Variants in AP3D1 observed in about 807,000 individuals in gnomAD.
AP3D1 encodes the protein AP-3 complex subunit delta-1.
In AP3D1, 51 loss-of-function variants were observed where a neutral mutation model predicts 147.6. The ratio of observed to expected loss-of-function variants is 0.35; its 90% CI spans 0.28 to 0.44. AP3D1 has a LOEUF of 0.44. Among genes scored for constraint, AP3D1 ranks in the 20% least tolerant of loss-of-function variants. The pLI is 1.00. For missense variants in AP3D1, 1,421 were observed against 1,624.2 expected (o/e 0.87, Z 2.15); for synonymous variants, 760 against 663.0 (o/e 1.15, Z -2.25).
intron 31 of AP3D1, among the ~76,000 whole-genome samples, chr19:2,107,739 CAA>C (rs1268434677): frequency 1.6e-4 from 14 of 86,464 alleles, no homozygotes; most frequent in Admixed American, 4.0e-4. Context: ...GACTCCGTCT[CAA>C]AAAAAAAAAA....
chr19:2,130,313 C>T, intron 6 of AP3D1, 95 bp downstream of exon 6: 2 of 1,551,242 alleles, frequency 1.3e-6, no homozygotes, highest in South Asian at 1.2e-5. Flanking sequence ...CTTCACCACT[C>T]CCCGCAGCAC....
intron 31 of AP3D1, among the ~76,000 whole-genome samples, chr19:2,105,690 C>T (rs1267786149): frequency 1.3e-5 from 2 of 152,292 alleles, no homozygotes; most frequent in Admixed American, 6.5e-5. Context: ...TTTAATTCCT[C>T]TAGCGCCACT....
chr19:2,141,616 A>G (rs1183649273), intron 1 of AP3D1, among the ~76,000 whole-genome samples: 1 of 151,800 alleles, frequency 6.6e-6, no homozygotes, highest in East Asian at 1.9e-4. Flanking sequence ...TAATTTTTGC[A>G]TTTTTAGCAG....
rs58654241 is a variant in AP3D1, at chr19:2,161,155, GTT to G, written c.-103+3199_-103+3200del. 1.7e-3 allele frequency among the ~76,000 whole-genome samples: 210 copies of G among 125,382 alleles called. 1 individual carries two copies. Among genetic ancestry groups the G allele is most frequent in the African/African-American group, 5.5e-3 (188 of 34,008 alleles). 82.3% of individuals were successfully genotyped at this position (125,382 alleles called of 152,430 possible). A position where few individuals can be genotyped will look rare whatever the true frequency, so the allele number is the denominator to read the frequency against. ...TCTGGCCCATCAGGAGCTTCTCCTA[GTT>G]TTTTTTTTTTTTTTTTTTTTTGAGA... On this transcript the variant is annotated intron_variant, in intron 1 of 14. Transcript: ENST00000643010.
Position 2,118,626 on chromosome 19 carries a change from C to T in AP3D1, c.1688G>A (p.Ser563Asn), listed in dbSNP as rs1397380747. The T allele has an allele frequency of 6.2e-7, 1 of 1,611,420 alleles. No individual in the cohort carries two copies. The highest frequency in any genetic ancestry group is 8.5e-7 in the Non-Finnish European group (1 of 1,179,974). ...CCGCTCCTGCACCTCCAGGTCTGCG[C>T]TCTGCACAAACTGGGGCAGCCGGTC... ...MVDRLPQFVQ[S>N]ADLEVQERAS... Residue 563 changes from serine (S) to asparagine (N), a missense_variant, in exon 15 of 32, where the codon AGC becomes AAC. Physicochemically the swap from Ser to Asn is conservative, Grantham distance 46. Transcript: ENST00000643116.
intron 1 of AP3D1, among the ~76,000 whole-genome samples, chr19:2,140,141 G>A (rs758344325): frequency 6.6e-5 from 10 of 152,108 alleles, no homozygotes; most frequent in Admixed American, 1.3e-4. Flanking sequence ...CCTGCTCAAA[G>A]GGTCAGGACT....
In AP3D1 at chr19:2,132,501, G is replaced by A; in HGVS notation, c.432C>T (p.Ala144=). ...TCATGATGTCATTTGCCAGGTCTCT[G>A]GCAAGGTCTGGGGTGACGAAGCAGG... is the stretch of plus-strand genomic sequence containing the variant. The part of the protein sequence containing the change: ...GLSCFVTPDL[A]RDLANDIMTL... Residue 144 remains alanine, a synonymous_variant, in exon 5 of 32, where the codon GCC becomes GCT. Transcript: ENST00000643116. 6.2e-7 allele frequency: 1 copy of A among 1,609,134 alleles called. No homozygotes were observed.
Position 2,129,103 on chromosome 19 carries a change from T to G in AP3D1, c.793A>C (p.Asn265His), listed in dbSNP as rs2018858830. The G allele has an allele frequency of 6.3e-7, 1 of 1,588,870 alleles. No individual in the cohort carries two copies. The highest frequency in any genetic ancestry group is 8.6e-7 in the Non-Finnish European group (1 of 1,168,750). ...GCCTGCACTCACCTGTGGATGAGATTGGTGAGGGGCTCGATCAGCTTCTTG... is the reference window on the plus strand; with the variant it reads ...GCCTGCACTCACCTGTGGATGAGATGGGTGAGGGGCTCGATCAGCTTCTTG... ...LGKKLIEPLT[N>H]LIHSTSAMSL... is the part of the protein sequence containing the mutation. The change falls in exon 8 of 32, where the codon AAT becomes CAT. Residue 265 changes from asparagine (N) to histidine (H), a missense_variant. This residue lies in a region of AP3D1 where 292 missense variants were observed against 412.0 expected (regional missense o/e 0.71). Transcript: ENST00000643116.
intron 28 of AP3D1, 88 bp from the exon 29 acceptor site, chr19:2,110,046 CT>C: frequency 1.9e-6 from 3 of 1,587,856 alleles, no homozygotes; most frequent in Non-Finnish European, 2.6e-6. Flanking sequence ...CCCACTTCCC[CT>C]AGGGACACCT....
At chr19:2,122,846 G>A (rs1372972163) in intron 11 of AP3D1, among the ~76,000 whole-genome samples, 1 of 152,222 alleles carries the variant, frequency 6.6e-6, no homozygotes, top group Non-Finnish European at 1.5e-5. Flanking sequence ...TTCAAAATGA[G>A]CATCCAAAAC....
upstream of AP3D1, among the ~76,000 whole-genome samples, chr19:2,151,715 T>G (rs889301945): frequency 6.6e-6 from 1 of 152,210 alleles, no homozygotes; most frequent in Non-Finnish European, 1.5e-5. Flanking sequence ...TGGCACCTCT[T>G]TCTCCTGCGC....
At chr19:2,124,365 A>T (rs1422914705) in intron 9 of AP3D1, among the ~76,000 whole-genome samples, 1 of 152,170 alleles carries the variant, frequency 6.6e-6, no homozygotes, top group East Asian at 1.9e-4. Context: ...CCTCCCCAAC[A>T]TCCCCGGAGC....
intron 4 of AP3D1, among the ~76,000 whole-genome samples, chr19:2,134,876 C>T (rs533762785): frequency 6.6e-6 from 1 of 150,692 alleles, no homozygotes; most frequent in South Asian, 2.2e-4. Flanking sequence ...GCTGGGATTA[C>T]AGGCATGAGC....
chr19:2,138,758 G>A (rs1247661327), intron 1 of AP3D1, 44 bp from the exon 2 acceptor site: 4 of 1,393,070 alleles, frequency 2.9e-6, no homozygotes, highest in African/African-American at 1.4e-5. Context: ...ATCCAGCTAA[G>A]AGGGCTGGAA....
chr19:2,106,585 C>A (rs2018116303), intron 31 of AP3D1, among the ~76,000 whole-genome samples: 1 of 151,950 alleles, frequency 6.6e-6, no homozygotes, highest in Non-Finnish European at 1.5e-5. Context: ...GTACTGAAGG[C>A]AGGGACTCCA....
In AP3D1 at chr19:2,114,196, G is replaced by A; in HGVS notation, c.2530C>T (p.Pro844Ser). The change falls in exon 22 of 32, where the codon CCC (proline) becomes TCC (serine). Residue 844 changes from proline (P) to serine (S), a missense_variant. Pro to Ser is a moderately conservative substitution (Grantham distance 74). This residue lies in a region of AP3D1 where 791 missense variants were observed against 761.4 expected (regional missense o/e 1.04). Coordinates refer to ENST00000643116, the MANE Select transcript of AP3D1 (RefSeq NM_001261826.3). ...TTGTGTTTTTTCTCTTTCTTCTTGG[G>A]TTTCTTGCTCTTCTTTTCTACCATG... ...VPMVEKKSKK[P>S]KKKEKKHKEK... The A allele has an allele frequency of 6.2e-7, 1 of 1,608,836 alleles. No individual in the cohort carries two copies. Among genetic ancestry groups the A allele is most frequent in the Non-Finnish European group, 8.5e-7 (1 of 1,177,778 alleles).
At chr19:2,116,318 C>G in intron 17 of AP3D1, 40 bp from the exon 18 acceptor site, 1 of 1,594,506 alleles carries the variant, frequency 6.3e-7, no homozygotes. Flanking sequence ...GAGAAGCGGG[C>G]AGGATACCCC....
At chr19:2,134,444 A>AT (rs1356078685) in intron 4 of AP3D1, among the ~76,000 whole-genome samples, 1 of 151,062 alleles carries the variant, frequency 6.6e-6, no homozygotes. Flanking sequence ...TAAGAAAATA[A>AT]TTTTTTTTAG....
At position 2,114,176 on chromosome 19, in the gene AP3D1, T is replaced by C. The variant is rs55698722; in HGVS notation, c.2550A>G (p.Lys850=). The change falls in exon 22 of 32, where the codon AAA becomes AAG. Residue 850 remains lysine, a synonymous_variant. Coordinates refer to ENST00000643116, the MANE Select transcript of AP3D1 (RefSeq NM_001261826.3). ...CCTTGTCTCTCTCTTTCTCTTTGTG[T>C]TTTTTCTCTTTCTTCTTGGGTTTCT... The part of the protein sequence containing the change: ...KSKKPKKKEK[K]HKEKERDKEK... The C allele has an allele frequency of 0.15, 241,791 of 1,594,156 alleles. 19,518 individuals carry two copies. Among genetic ancestry groups the C allele is most frequent in the Non-Finnish European group, 0.17 (194,585 of 1,169,868 alleles).
Sources: allele counts gnomAD v4.1 joint callset (sites outside exome capture counted in the v4.1 genomes callset), GRCh38; gene constraint gnomAD v4.1.1; regional missense constraint gnomAD v4.1.1; transcripts MANE v1.5; gene names NCBI Gene and HGNC (gene_info 2026-07-23, HGNC 2026-07-21).